The following SPNS2 variants were observed in gnomAD, a reference collection of about 807,000 sequenced individuals.
SPNS2 encodes SPNS lysolipid transporter 2, sphingosine-1-phosphate.
In SPNS2, 37 loss-of-function variants were observed where a neutral mutation model predicts 57.6. That is an observed-to-expected ratio of 0.64 (90% confidence interval 0.49 to 0.85). SPNS2 has a LOEUF of 0.85. SPNS2 is among the 40% of genes least tolerant of loss of function. The pLI, the probability that SPNS2 is intolerant of heterozygous loss-of-function variation, is 0.00. For missense variants in SPNS2, 831 were observed against 779.1 expected, an observed-to-expected ratio of 1.07 and a Z score of -0.79; for synonymous variants, 440 against 346.9, an observed-to-expected ratio of 1.27 and a Z score of -2.98.
chr17:4,529,928 C>T (rs922115244), intron 3 of SPNS2, among the ~76,000 whole-genome samples: 3 of 152,020 alleles, frequency 2.0e-5, no homozygotes, highest in Middle Eastern at 3.2e-3. Context: ...GAGGGCTGGA[C>T]GCGGGCGATG....
chr17:4,514,598 G>A lies in SPNS2; in HGVS notation c.436+1286G>A, dbSNP rs538581844. Among the ~76,000 whole-genome samples the A allele has an allele frequency of 5.3e-4, 80 of 152,310 alleles. 2 individuals carry two copies. Among genetic ancestry groups the A allele is most frequent in the African/African-American group, 1.8e-3 (75 of 41,566 alleles). Reference sequence around the variant, plus strand: ...GACTGTTCTAGGATGGGGCAGGGCCGTGCGGTCCAGTATCCCCTATAGGTG... The same window carrying A: ...GACTGTTCTAGGATGGGGCAGGGCCATGCGGTCCAGTATCCCCTATAGGTG... On this transcript the variant is annotated intron_variant, in intron 2 of 12. Coordinates refer to ENST00000329078, the MANE Select transcript of SPNS2 (RefSeq NM_001124758.3).
chr17:4,500,798 C>G (rs1429304722), intron 1 of SPNS2, among the ~76,000 whole-genome samples: 1 of 151,962 alleles, frequency 6.6e-6, no homozygotes, highest in African/African-American at 2.4e-5. Flanking sequence ...AGAGGCTTCC[C>G]CCTCCCCCCA....
chr17:4,504,554 G>A (rs1023401484), intron 1 of SPNS2, among the ~76,000 whole-genome samples: 9 of 152,262 alleles, frequency 5.9e-5, no homozygotes, highest in Admixed American at 2.0e-4. Context: ...TTCTGAGAGG[G>A]AGGCTGCCCT....
rs1267245856 is a variant in SPNS2, at chr17:4,537,882, C to T, written c.*434C>T. ...TCTGCAGCTTTGAAGACTCAACAGA[C>T]CCTGGACCATACGGAGAGCAGGTGG... On this transcript the variant is annotated 3_prime_UTR_variant, in exon 13 of 13. Transcript: ENST00000329078. The T allele has an allele frequency of 2.3e-6, 1 of 439,744 alleles. No individual in the cohort carries two copies. Among genetic ancestry groups the T allele is most frequent in the Non-Finnish European group, 4.6e-6 (1 of 215,544 alleles). The allele number at this position is 439,744 out of a possible 1,614,324, so 27.2% of individuals were successfully genotyped here. A position where few individuals can be genotyped will look rare whatever the true frequency, so the allele number is the denominator to read the frequency against.
At chr17:4,537,071 T>C in intron 12 of SPNS2, 125 bp downstream of exon 12, 1 of 1,071,656 alleles carries the variant, frequency 9.3e-7, no homozygotes, top group Non-Finnish European at 1.4e-6. Flanking sequence ...AACTCTGGGC[T>C]TTGTCTCTGA....
At chr17:4,522,016 T>C (rs542680910) in intron 2 of SPNS2, among the ~76,000 whole-genome samples, 1 of 152,066 alleles carries the variant, frequency 6.6e-6, no homozygotes, top group African/African-American at 2.4e-5. Context: ...CTGGCCAACA[T>C]GGCAAAACCT....
intron 2 of SPNS2, among the ~76,000 whole-genome samples, chr17:4,520,109 C>T (rs548575224): frequency 4.9e-4 from 75 of 152,366 alleles, no homozygotes; most frequent in South Asian, 8.3e-4. Flanking sequence ...TCATCTCGGG[C>T]AACTTCCTCC....
At position 4,499,877 on chromosome 17, in the gene SPNS2, C is replaced by T. The variant is rs940235235; in HGVS notation, c.370+460C>T. ...TTTCTCCGCCGCCTCCACCCCCCTG[C>T]GTGCGTGCGGCGAGTGCGCGCGCCC... On this transcript the variant is annotated intron_variant, in intron 1 of 12. Coordinates refer to ENST00000329078, the MANE Select transcript of SPNS2 (RefSeq NM_001124758.3). The surrounding 1 kb of genome is among the most constrained non-coding windows in gnomAD (Gnocchi z 5.2). Among the ~76,000 whole-genome samples the T allele has an allele frequency of 3.9e-5, 6 of 152,182 alleles. No individual in the cohort carries two copies. The highest frequency in any genetic ancestry group is 1.4e-4 in the African/African-American group (6 of 41,452).
intron 3 of SPNS2, among the ~76,000 whole-genome samples, chr17:4,526,979 C>T (rs1011306678): frequency 7.2e-5 from 11 of 152,180 alleles, no homozygotes; most frequent in African/African-American, 2.7e-4. Flanking sequence ...TTGTCTTGCC[C>T]CTGGCCAGGC....
In SPNS2 at chr17:4,536,821, C is replaced by A. The variant is rs756457000; in HGVS notation, c.1608-79C>A. On this transcript the variant is annotated intron_variant, in intron 11 of 12. Coordinates refer to ENST00000329078, the MANE Select transcript of SPNS2 (RefSeq NM_001124758.3). ...AGCACCTCCGGTCAGCTGGCCCCCA[C>A]GACACGATGTGCCAGAGCAGTGCCC... 13 of 1,239,244 alleles carry A rather than the reference C, an allele frequency of 1.0e-5. No individual in the cohort carries two copies. In the Admixed American group the frequency reaches 1.3e-4, roughly 12 times the overall value. 76.8% of individuals were successfully genotyped at this position (1,239,244 alleles called of 1,614,324 possible).
rs988986400 is a variant in SPNS2 at position 4,499,997 on chromosome 17, A to C, written c.370+580A>C. Among the ~76,000 whole-genome samples, 1 of 150,756 alleles carries C rather than the reference A, an allele frequency of 6.6e-6. No homozygotes were observed. The highest frequency in any genetic ancestry group is 1.5e-5 in the Non-Finnish European group (1 of 67,626). ...CTGACAAAGGCTCCGGGCTGCGGGG[A>C]GCGGAGGGAGGGGCGGGGCGGGTCC... On this transcript the variant is annotated intron_variant, in intron 1 of 12. Coordinates refer to ENST00000329078, the MANE Select transcript of SPNS2 (RefSeq NM_001124758.3). This position sits in a 1 kb window ranked among gnomAD's most constrained non-coding sequence, Gnocchi z 5.2.
chr17:4,516,394 T>A (rs118109300), intron 2 of SPNS2, among the ~76,000 whole-genome samples: 5,655 of 149,286 alleles, frequency 0.038, 119 homozygotes, highest in Middle Eastern at 0.053. Context: ...GGAGCCCCCA[T>A]GGCCTACACC....
intron 4 of SPNS2, 106 bp downstream of exon 4, chr17:4,530,889 G>T: frequency 6.7e-7 from 1 of 1,498,142 alleles, no homozygotes; most frequent in East Asian, 2.4e-5. Context: ...GGCGTCCTCA[G>T]AGAGCTAAAC....
At chr17:4,535,830 G>A (rs1159675823) in intron 9 of SPNS2, among the ~76,000 whole-genome samples, 1 of 151,808 alleles carries the variant, frequency 6.6e-6, no homozygotes, top group East Asian at 1.9e-4. Flanking sequence ...GACTGCAGCT[G>A]TGTGTGGGTG....
intron 2 of SPNS2, among the ~76,000 whole-genome samples, chr17:4,517,607 G>T (rs1006690254): frequency 3.3e-5 from 5 of 152,118 alleles, no homozygotes; most frequent in African/African-American, 7.2e-5. Flanking sequence ...AGTGAGCCAA[G>T]ATCACACCAC....
rs1179753883 is a variant in SPNS2, at chr17:4,525,178, C to A, written c.558C>A (p.Ser186=). 6.2e-7 allele frequency: 1 copy of A among 1,614,138 alleles called. No homozygotes were observed. The highest frequency in any genetic ancestry group is 8.5e-7 in the Non-Finnish European group (1 of 1,180,024). ...FFWSAVTFSS[S]FIPQQYFWLL... is the part of the protein sequence containing the mutation. The stretch of plus-strand genomic sequence containing the variant: ...GGTCGGCCGTCACCTTCTCCAGCTC[C>A]TTCATTCCCCAGCAGGTGAGGCCCG... The change falls in exon 3 of 13, where the codon TCC becomes TCA. Residue 186 remains serine (S), a synonymous_variant. Coordinates refer to ENST00000329078, the MANE Select transcript of SPNS2 (RefSeq NM_001124758.3).
At chr17:4,524,730 G>A (rs1905222219) in intron 2 of SPNS2, among the ~76,000 whole-genome samples, 1 of 152,150 alleles carries the variant, frequency 6.6e-6, no homozygotes, top group Admixed American at 6.5e-5. Flanking sequence ...GATATGACAT[G>A]GTGAGCCCCT....
chr17:4,534,854 C>A (rs1390984775), intron 9 of SPNS2, among the ~76,000 whole-genome samples: 1 of 152,084 alleles, frequency 6.6e-6, no homozygotes, highest in Non-Finnish European at 1.5e-5. Flanking sequence ...TGGTGCTGGG[C>A]AGGACCCCCT....
intron 6 of SPNS2, 108 bp downstream of exon 6, chr17:4,532,792 CTG>C: frequency 6.8e-7 from 1 of 1,470,502 alleles, no homozygotes. Context: ...CACCCCACCT[CTG>C]CTGTCTCAGT....
Sources: gnomAD v4.1 joint callset for allele counts (sites outside exome capture counted in the v4.1 genomes callset) on GRCh38, gnomAD v4.1.1 for gene constraint, Gnocchi (gnomAD v3.1) non-coding constraint, MANE v1.5 for transcripts, NCBI Gene and HGNC (gene_info 2026-07-23, HGNC 2026-07-21) for gene names.